PLEKHG4B: variants seen among roughly 807,000 people sequenced by gnomAD.
PLEKHG4B encodes pleckstrin homology and RhoGEF domain containing G4B.
In PLEKHG4B, 111 loss-of-function variants were observed where a neutral mutation model predicts 121.3. That is an observed-to-expected ratio of 0.92 (90% confidence interval 0.78 to 1.07). The LOEUF (loss-of-function observed/expected upper bound fraction) is 1.07. Ranked by LOEUF, PLEKHG4B falls within the 50% of genes least tolerant of loss-of-function variation. PLEKHG4B has a pLI of 0.00. For missense variants in PLEKHG4B, 1,831 were observed against 1,757.8 expected (o/e 1.04, Z -0.74); for synonymous variants, 738 against 725.0 (o/e 1.02, Z -0.29).
At chr5:138,425 A>G (rs969813164) in intron 2 of PLEKHG4B, among the ~76,000 whole-genome samples, 1 of 152,236 alleles carries the variant, frequency 6.6e-6, no homozygotes, top group African/African-American at 2.4e-5. Flanking sequence ...TCGATTTTAC[A>G]TTCCGAGAGT....
chr5:93,234 CTG>C (rs1000546960), intron 1 of PLEKHG4B, among the ~76,000 whole-genome samples: 1 of 152,134 alleles, frequency 6.6e-6, no homozygotes, highest in African/African-American at 2.4e-5. Context: ...ATCAAGATTC[CTG>C]GGAAGGTAGG....
rs369002621 is a variant in PLEKHG4B, at chr5:161,855, A to T, written c.2560A>T (p.Arg854Ter). Residue 854 changes from arginine to a stop codon, truncating the protein, a stop_gained, in exon 12 of 20, where the codon AGA (arginine) becomes TGA (stop). Transcript: ENST00000637938. LOFTEE classifies it high-confidence loss of function. ...TACAGAGGAAATGGTCCAGGATTTC[A>T]GAAGGGGCCTGAGCGCCGTGGTCAG... ...QRTEEMVQDF[R>*]RGLSAVVSQA... is the part of the protein sequence containing the mutation. 17 of 1,613,804 alleles carry T rather than the reference A, an allele frequency of 1.1e-5. No individual in the cohort carries two copies. The highest frequency in any genetic ancestry group is 1.4e-5 in the Non-Finnish European group (17 of 1,180,024).
At chr5:161,972 A>G (rs377006126) in intron 12 of PLEKHG4B, 28 bp downstream of exon 12, 1 of 1,584,134 alleles carries the variant, frequency 6.3e-7, no homozygotes, top group Non-Finnish European at 8.6e-7. Flanking sequence ...CGTGCGTCCC[A>G]GGGATCCCGG....
intron 13 of PLEKHG4B, among the ~76,000 whole-genome samples, chr5:164,184 CA>C (rs1736154281): frequency 6.6e-6 from 1 of 152,218 alleles, no homozygotes; most frequent in Admixed American, 6.5e-5. Context: ...TCCTTTTTGC[CA>C]CCAGGGACAG....
At position 162,831 on chromosome 5, in the gene PLEKHG4B, T is replaced by TC; in HGVS notation, c.2763dup (p.Gly922ArgfsTer39). ...GCTACCTCGGTGGCTGCAGAGGCCT[T>TC]CCCCGGGGCAGGTGTGGCAGTGCTG... On this transcript the variant is annotated frameshift_variant, in exon 13 of 20. Coordinates refer to ENST00000637938, the MANE Select transcript of PLEKHG4B (RefSeq NM_052909.5). LOFTEE classifies it high-confidence loss of function. The TC allele has an allele frequency of 5.3e-6, 8 of 1,511,866 alleles. No individual in the cohort carries two copies. Among genetic ancestry groups the TC allele is most frequent in the Non-Finnish European group, 7.1e-6 (8 of 1,129,828 alleles). 93.7% of individuals were successfully genotyped at this position (1,511,866 alleles called of 1,614,324 possible).
At chr5:164,659 A>C (rs574281405) in intron 13 of PLEKHG4B, among the ~76,000 whole-genome samples, 2 of 106,494 alleles carry the variant, frequency 1.9e-5, no homozygotes, top group Non-Finnish European at 2.0e-5. Context: ...TGACGGGCGG[A>C]GCTCACACTA....
chr5:168,763 A>G (rs751525600), intron 13 of PLEKHG4B, among the ~76,000 whole-genome samples: 4 of 151,998 alleles, frequency 2.6e-5, no homozygotes, highest in Non-Finnish European at 5.9e-5. Flanking sequence ...TTTTCAAGTT[A>G]CTGTGTATCA....
In PLEKHG4B at chr5:185,412, A is replaced by T. The variant is rs575065765; in HGVS notation, c.*3089A>T. The T allele has an allele frequency of 6.6e-6, 1 of 152,242 alleles. No homozygotes were observed. The allele number at this position is 152,242 out of a possible 1,614,324, so 9.4% of individuals were successfully genotyped here. ...CAAAGCAGTATTTTTTTAAAGTACAATCATGCACACAGCACTTCCCCTGGG... is the reference window on the plus strand; with the variant it reads ...CAAAGCAGTATTTTTTTAAAGTACATTCATGCACACAGCACTTCCCCTGGG... On this transcript the variant is annotated 3_prime_UTR_variant, in exon 20 of 20. Transcript: ENST00000637938.
chr5:164,478 A>G (rs12515687), intron 13 of PLEKHG4B, among the ~76,000 whole-genome samples: 51,865 of 105,744 alleles, frequency 0.49, 13,269 homozygotes, highest in South Asian at 0.58. Context: ...GTGACGGAGC[A>G]GAGCTCACAC....
At chr5:119,430 A>G (rs1284864264) in intron 2 of PLEKHG4B, among the ~76,000 whole-genome samples, 1 of 152,208 alleles carries the variant, frequency 6.6e-6, no homozygotes, top group East Asian at 1.9e-4. Context: ...TCCAGCATAA[A>G]TGGGTTAATG....
intron 8 of PLEKHG4B, 146 bp from the exon 9 acceptor site, chr5:155,199 A>G: frequency 2.4e-6 from 2 of 843,074 alleles, no homozygotes; most frequent in South Asian, 3.2e-5. Context: ...CCGCCCCGGA[A>G]GTGTCTGTAG....
At chr5:118,042 C>T (rs141513006) in intron 2 of PLEKHG4B, among the ~76,000 whole-genome samples, 29 of 152,144 alleles carry the variant, frequency 1.9e-4, no homozygotes, top group African/African-American at 3.1e-4. Flanking sequence ...GTCTGTGACA[C>T]GAGTCTAAAA....
At chr5:135,679 AAAAATATATATAT>A (rs1337154983) in intron 2 of PLEKHG4B, among the ~76,000 whole-genome samples, 17 of 57,150 alleles carry the variant, frequency 3.0e-4, no homozygotes, top group Non-Finnish European at 4.6e-4. Context: ...AAAAAAAAAA[AAAAATATATATAT>A]ATATATATAT....
intron 2 of PLEKHG4B, among the ~76,000 whole-genome samples, chr5:114,877 T>G (rs1734261146): frequency 6.6e-6 from 1 of 152,214 alleles, no homozygotes; most frequent in Non-Finnish European, 1.5e-5. Flanking sequence ...TGCAGTTCCT[T>G]CCTCCATGGG....
In PLEKHG4B at chr5:156,089, G is replaced by A; in HGVS notation, c.2227G>A (p.Asp743Asn). 2.5e-6 allele frequency: 4 copies of A among 1,588,660 alleles called. No individual in the cohort carries two copies. The Admixed American group carries it at 6.9e-5, about 27-fold the overall frequency. The stretch of plus-strand genomic sequence containing the variant: ...CGTGCAGGAAGTCGCCGAGTTAATT[G>A]ACCAGCATGAGACGATGATGAAGCT... ...RTAQEVAELI[D>N]QHETMMKLVL... The change falls in exon 10 of 20, where the codon GAC becomes AAC. Residue 743 changes from aspartate to asparagine, a missense_variant. Physicochemically the swap from Asp to Asn is conservative, Grantham distance 23. Transcript: ENST00000637938. The surrounding 1 kb of genome is among the most constrained non-coding windows in gnomAD (Gnocchi z 4.4).
intron 1 of PLEKHG4B, among the ~76,000 whole-genome samples, chr5:109,832 G>A (rs2126350604): frequency 6.6e-6 from 1 of 152,318 alleles, no homozygotes; most frequent in Middle Eastern, 3.4e-3. Context: ...AAGTGCCAAG[G>A]GACTGGCGGG....
intron 1 of PLEKHG4B, among the ~76,000 whole-genome samples, chr5:106,995 C>T (rs1372079222): frequency 6.6e-6 from 1 of 152,234 alleles, no homozygotes; most frequent in East Asian, 1.9e-4. Flanking sequence ...GATTCTTTTC[C>T]CGGCAAGGCC....
chr5:156,308 C>G lies in PLEKHG4B; in HGVS notation c.2348+98C>G. 4.1e-6 allele frequency: 5 copies of G among 1,218,568 alleles called. No individual in the cohort carries two copies. Among genetic ancestry groups the G allele is most frequent in the Non-Finnish European group, 5.3e-6 (5 of 950,688 alleles). 75.5% of individuals were successfully genotyped at this position (1,218,568 alleles called of 1,614,324 possible). A position where few individuals can be genotyped will look rare whatever the true frequency, so the allele number is the denominator to read the frequency against. The stretch of plus-strand genomic sequence containing the variant: ...GCGTAGCGCTCTGCTCCAAGGAGAG[C>G]CCCCTCTGTGCTTGGTCCAGACCTC... On this transcript the variant is annotated intron_variant, in intron 10 of 19. Transcript: ENST00000637938. The surrounding 1 kb of genome is among the most constrained non-coding windows in gnomAD (Gnocchi z 4.4).
At chr5:181,797 G>A (rs989724409) in intron 19 of PLEKHG4B, 122 bp downstream of exon 19, 34 of 1,405,662 alleles carry the variant, frequency 2.4e-5, no homozygotes, top group African/African-American at 1.3e-4. Context: ...CAGGCCTGTC[G>A]TCAAGGACAC....
Sources: allele counts gnomAD v4.1 joint callset (sites outside exome capture counted in the v4.1 genomes callset), GRCh38; gene constraint gnomAD v4.1.1; non-coding constraint Gnocchi (gnomAD v3.1); transcripts MANE v1.5; gene names NCBI Gene and HGNC (gene_info 2026-07-23, HGNC 2026-07-21).